The following AHCYL1 variants were observed in gnomAD, a reference collection of about 807,000 sequenced individuals.
AHCYL1 encodes adenosylhomocysteinase like 1, also known as S-adenosylhomocysteine hydrolase-like protein 1.
A neutral mutation model predicts 79.3 loss-of-function variants in AHCYL1; 20 were observed. The ratio of observed to expected loss-of-function variants is 0.25; its 90% CI spans 0.18 to 0.37. The LOEUF is 0.37. Among genes scored for constraint, AHCYL1 ranks in the 10% least tolerant of loss-of-function variants. The probability of loss-of-function intolerance (pLI) is 1.00; values close to 1 mark genes in which losing one functional copy is unlikely to be tolerated. For synonymous variants in AHCYL1, 223 were observed against 242.2 expected (o/e 0.92, Z 0.74); for missense variants, 330 against 673.6 (o/e 0.49, Z 5.65).
At chr1:110,012,593 C>T (rs1651108076) in intron 4 of AHCYL1, 131 bp downstream of exon 4, 2 of 746,272 alleles carry the variant, frequency 2.7e-6, no homozygotes, top group African/African-American at 3.6e-5. Flanking sequence ...CCCTGTTACA[C>T]AATAATGGGG....
chr1:110,015,629 A>C (rs1651367480), intron 7 of AHCYL1, 98 bp downstream of exon 7: 8 of 917,432 alleles, frequency 8.7e-6, no homozygotes, highest in African/African-American at 1.7e-5. Flanking sequence ...CTTATAACTA[A>C]ATGGGAATAT....
chr1:109,997,747 C>T (rs913019453), intron 1 of AHCYL1, among the ~76,000 whole-genome samples: 6 of 152,106 alleles, frequency 3.9e-5, no homozygotes, highest in South Asian at 2.1e-4. Context: ...AAGACACAGC[C>T]GGATTTAGAG....
At chr1:110,013,059 T>G (rs1438016134) in intron 5 of AHCYL1, 60 bp downstream of exon 5, 9 of 1,346,354 alleles carry the variant, frequency 6.7e-6, no homozygotes, top group Non-Finnish European at 8.2e-6. Flanking sequence ...CATATAACTT[T>G]TTTGTATCAA....
At chr1:109,987,392 T>G (rs1161832438) in intron 1 of AHCYL1, among the ~76,000 whole-genome samples, 1 of 152,218 alleles carries the variant, frequency 6.6e-6, no homozygotes, top group African/African-American at 2.4e-5. Context: ...GAAAAAGACC[T>G]CTTCAAATGG....
intron 1 of AHCYL1, among the ~76,000 whole-genome samples, chr1:110,002,253 C>T (rs1650356500): frequency 6.6e-6 from 1 of 152,150 alleles, no homozygotes; most frequent in Admixed American, 6.5e-5. Context: ...AATACTACTC[C>T]CTTCTAAAAG....
intron 9 of AHCYL1, 44 bp downstream of exon 9, chr1:110,016,774 T>C (rs1451665990): frequency 5.0e-6 from 8 of 1,610,232 alleles, no homozygotes; most frequent in East Asian, 2.2e-5. Context: ...TGTGTACTTA[T>C]TAGAAATATT....
At position 110,011,293 on chromosome 1, in the gene AHCYL1, T is replaced by C; in HGVS notation, c.312T>C (p.Asn104=). Residue 104 remains asparagine, a synonymous_variant, in exon 3 of 17, where the codon AAT becomes AAC. Transcript: ENST00000369799. ...KQQTNSKGSS[N]FCVKNIKQAE... ...AAACCAACTCCAAGGGCAGCAGCAA[T>C]TTCTGTGTGAAGAACATCAAGCAGG... 1 of 1,613,934 alleles carries C rather than the reference T, an allele frequency of 6.2e-7. No homozygotes were observed. The highest frequency in any genetic ancestry group is 8.5e-7 in the Non-Finnish European group (1 of 1,179,962).
intron 16 of AHCYL1, among the ~76,000 whole-genome samples, 191 bp from the exon 17 acceptor site, chr1:110,021,483 C>T (rs181520410): frequency 2.0e-5 from 3 of 152,186 alleles, no homozygotes; most frequent in African/African-American, 7.2e-5. Flanking sequence ...TGGGAACAGG[C>T]GGTAACACCA....
intron 15 of AHCYL1, 86 bp from the exon 16 acceptor site, chr1:110,020,645 A>T (rs1051662778): frequency 6.8e-7 from 1 of 1,481,290 alleles, no homozygotes; most frequent in Non-Finnish European, 9.0e-7. Context: ...TGCTTTCTTA[A>T]AAAAGCTTCA....
chr1:109,985,303 G>T (rs1317768613), intron 1 of AHCYL1, 131 bp downstream of exon 1: 2 of 1,403,606 alleles, frequency 1.4e-6, no homozygotes, highest in East Asian at 2.9e-5. Flanking sequence ...GTAGGGGGTG[G>T]CGGCTGTGCG....
intron 1 of AHCYL1, among the ~76,000 whole-genome samples, chr1:109,996,705 C>T (rs1650051836): frequency 6.6e-6 from 1 of 152,184 alleles, no homozygotes; most frequent in Non-Finnish European, 1.5e-5. Context: ...CCAGCATCAC[C>T]ACAAACATGT....
chr1:110,012,514 C>CA (rs1354980725), intron 4 of AHCYL1, 52 bp downstream of exon 4: 18 of 1,412,140 alleles, frequency 1.3e-5, no homozygotes, highest in Non-Finnish European at 1.7e-5. Context: ...AGAAAGAAAT[C>CA]AATTTTTTTT....
chr1:109,990,555 T>C lies in AHCYL1; in HGVS notation c.120+5383T>C, dbSNP rs565764597. On this transcript the variant is annotated intron_variant, in intron 1 of 16. Coordinates refer to ENST00000369799, the MANE Select transcript of AHCYL1 (RefSeq NM_006621.7). ...TGTTAAAGAGCCAAAACAAAGAAGT[T>C]TCTATTGGAATGTCTTTTCAATAAG... Among the ~76,000 whole-genome samples the C allele has an allele frequency of 2.0e-4, 31 of 152,312 alleles. No homozygotes were observed. The East Asian group carries it at 5.6e-3, about 27-fold the overall frequency.
At chr1:110,000,819 C>G (rs1650273217) in intron 1 of AHCYL1, 2 of 397,684 alleles carry the variant, frequency 5.0e-6, no homozygotes, top group African/African-American at 2.2e-5. Flanking sequence ...TCACTTAGCC[C>G]CAACCCCTGT....
intron 1 of AHCYL1, among the ~76,000 whole-genome samples, chr1:109,995,904 C>T (rs960624913): frequency 6.6e-6 from 1 of 152,212 alleles, no homozygotes; most frequent in African/African-American, 2.4e-5. Flanking sequence ...GACTGGCCAA[C>T]ATTGTTCGGA....
At chr1:110,016,620 A>G in intron 8 of AHCYL1, 47 bp from the exon 9 acceptor site, 1 of 1,611,862 alleles carries the variant, frequency 6.2e-7, no homozygotes, top group Non-Finnish European at 8.5e-7. Context: ...AGAGGGACTG[A>G]GTTTGAGCTA....
chr1:109,988,251 G>A (rs1015474688), intron 1 of AHCYL1, among the ~76,000 whole-genome samples: 2 of 152,148 alleles, frequency 1.3e-5, no homozygotes, highest in Non-Finnish European at 2.9e-5. Flanking sequence ...AATTTTTCAC[G>A]GGAATGTCTT....
chr1:110,016,485 A>G lies in AHCYL1; in HGVS notation c.899+25A>G, dbSNP rs781695173. On this transcript the variant is annotated intron_variant, in intron 8 of 16. Transcript: ENST00000369799. The stretch of plus-strand genomic sequence containing the variant: ...GGTAGGTTGAATGTATATATATTCA[A>G]ACTTCTAGGGGCTCTGGTCTTCCTT... 2.9e-5 allele frequency: 47 copies of G among 1,598,292 alleles called. No individual in the cohort carries two copies. In the Admixed American group the frequency reaches 6.1e-4, roughly 21 times the overall value.
chr1:109,985,354 C>T lies in AHCYL1; in HGVS notation c.120+182C>T, dbSNP rs1387926288. On this transcript the variant is annotated intron_variant, in intron 1 of 16. Coordinates refer to ENST00000369799, the MANE Select transcript of AHCYL1 (RefSeq NM_006621.7). ...CGGGCTGAAAGGCCGCCTCTGACCT[C>T]GCTTTCCTTTGTCCCTCGGCCCAAG... The T allele has an allele frequency of 1.3e-5, 17 of 1,326,360 alleles. 1 individual carries two copies. Among genetic ancestry groups the T allele is most frequent in the Admixed American group, 3.6e-5 (1 of 28,010 alleles). The allele number at this position is 1,326,360 out of a possible 1,614,324, so 82.2% of individuals were successfully genotyped here. A position where few individuals can be genotyped will look rare whatever the true frequency, so the allele number is the denominator to read the frequency against.
Sources: allele counts gnomAD v4.1 joint callset (sites outside exome capture counted in the v4.1 genomes callset), GRCh38; gene constraint gnomAD v4.1.1; transcripts MANE v1.5; gene names NCBI Gene and HGNC (gene_info 2026-07-23, HGNC 2026-07-21).